The following ABCD3 variants were observed in gnomAD, a reference collection of about 807,000 sequenced individuals.
The protein encoded by ABCD3 is ATP-binding cassette sub-family D member 3.
A neutral mutation model predicts 105.5 loss-of-function variants in ABCD3; 41 were observed. That is an observed-to-expected ratio of 0.39 (90% CI 0.30 to 0.50). ABCD3 has a LOEUF of 0.50. Ranked by LOEUF, ABCD3 falls within the 20% of genes least tolerant of loss-of-function variation. The pLI is 0.84. For synonymous variants in ABCD3, 258 were observed against 269.0 expected (o/e 0.96, Z 0.40); for missense variants, 622 against 806.3 (o/e 0.77, Z 2.77).
chr1:94,386,647 T>G, the ABCD3 span, among the ~76,000 whole-genome samples: 2 of 152,248 alleles, frequency 1.3e-5, no homozygotes, highest in Non-Finnish European at 2.9e-5. Flanking sequence ...CTTTTTATAC[T>G]TTCTGAATCC....
chr1:94,406,340 G>GTTTTT, the ABCD3 span: 93 of 142,524 alleles, frequency 6.5e-4, no homozygotes, highest in African/African-American at 2.4e-3. Flanking sequence ...ATTTTGTTTT[G>GTTTTT]TTTTTTTTTT....
the ABCD3 span, among the ~76,000 whole-genome samples, chr1:94,388,932 T>C: frequency 6.6e-6 from 1 of 152,052 alleles, no homozygotes; most frequent in African/African-American, 2.4e-5. Flanking sequence ...ACTTATGAGA[T>C]GCATCTTAAA....
chr1:94,509,417 A>G (rs1015558582), intron 21 of ABCD3, among the ~76,000 whole-genome samples: 12 of 152,184 alleles, frequency 7.9e-5, no homozygotes, highest in African/African-American at 2.9e-4. Context: ...TTTTGCATCA[A>G]TGTTCATCAA....
chr1:94,420,690 A>C (rs1469891076), intron 1 of ABCD3, among the ~76,000 whole-genome samples: 1 of 152,184 alleles, frequency 6.6e-6, no homozygotes, highest in Non-Finnish European at 1.5e-5. Context: ...TTTTGTAGAT[A>C]TTGTACTTCC....
chr1:94,459,234 A>G (rs568031691), intron 2 of ABCD3, among the ~76,000 whole-genome samples: 1 of 151,908 alleles, frequency 6.6e-6, no homozygotes, highest in African/African-American at 2.4e-5. Context: ...ACACCCACAT[A>G]TATTTGAAGA....
intron 8 of ABCD3, 65 bp from the exon 9 acceptor site, chr1:94,480,399 G>A (rs1026046527): frequency 1.9e-6 from 3 of 1,584,912 alleles, no homozygotes; most frequent in African/African-American, 2.7e-5. Context: ...GTACATGTTT[G>A]TATCTAAGTG....
chr1:94,396,380 T>G, the ABCD3 span, among the ~76,000 whole-genome samples: 1 of 152,248 alleles, frequency 6.6e-6, no homozygotes, highest in Non-Finnish European at 1.5e-5. Flanking sequence ...AAAATCTCAC[T>G]TACTGAACTT....
At chr1:94,503,880 C>T (rs1650223627) in intron 20 of ABCD3, among the ~76,000 whole-genome samples, 1 of 147,758 alleles carries the variant, frequency 6.8e-6, no homozygotes, top group Admixed American at 6.8e-5. Flanking sequence ...CTCACTGCAA[C>T]CTTCACCTCT....
At chr1:94,478,165 A>G in intron 7 of ABCD3, 94 bp from the exon 8 acceptor site, 2 of 779,576 alleles carry the variant, frequency 2.6e-6, no homozygotes, top group Non-Finnish European at 4.4e-6. Context: ...TTATATATTA[A>G]ATGTTTAATG....
chr1:94,454,645 T>C (rs1185845907), intron 1 of ABCD3, among the ~76,000 whole-genome samples: 2 of 152,162 alleles, frequency 1.3e-5, no homozygotes, highest in Non-Finnish European at 2.9e-5. Context: ...TAAATTCTTA[T>C]AGAACTTACT....
chr1:94,438,317 C>T (rs886388749), intron 1 of ABCD3, among the ~76,000 whole-genome samples: 37 of 149,348 alleles, frequency 2.5e-4, no homozygotes, highest in African/African-American at 9.3e-4. Context: ...CACACACACA[C>T]ACACACACAC....
chr1:94,407,570 G>C, the ABCD3 span, among the ~76,000 whole-genome samples: 2 of 151,994 alleles, frequency 1.3e-5, no homozygotes, highest in Admixed American at 6.5e-5. Flanking sequence ...ATTATAAATG[G>C]GGCTTTCTCA....
chr1:94,516,110 A>G (rs1178102124), intron 22 of ABCD3, among the ~76,000 whole-genome samples: 2 of 151,958 alleles, frequency 1.3e-5, no homozygotes, highest in African/African-American at 4.8e-5. Flanking sequence ...TAGGATGTAG[A>G]TGATAGTCTA....
upstream of ABCD3, among the ~76,000 whole-genome samples, chr1:94,415,052 T>C (rs1004976324): frequency 2.0e-5 from 3 of 152,154 alleles, no homozygotes; most frequent in Admixed American, 6.5e-5. Flanking sequence ...GAGGCCTCAG[T>C]TCCTCTCCAG....
At chr1:94,455,051 C>G (rs956091270) in intron 1 of ABCD3, among the ~76,000 whole-genome samples, 2 of 152,132 alleles carry the variant, frequency 1.3e-5, no homozygotes, top group Admixed American at 6.5e-5. Flanking sequence ...GACTACCATG[C>G]TATACAGATT....
intron 1 of ABCD3, among the ~76,000 whole-genome samples, chr1:94,445,394 C>CT (rs1660308552): frequency 6.6e-6 from 1 of 152,198 alleles, no homozygotes; most frequent in African/African-American, 2.4e-5. Context: ...CCCGGGTACT[C>CT]TAAGCAGTCC....
chr1:94,421,562 ATGTGTGTGTGTG>A (rs3073023), intron 1 of ABCD3, among the ~76,000 whole-genome samples: 2 of 148,928 alleles, frequency 1.3e-5, no homozygotes, highest in Admixed American at 1.3e-4. Context: ...GAGCTATAAG[ATGTGTGTGTGTG>A]TGTGTGTGTG....
the ABCD3 span, among the ~76,000 whole-genome samples, chr1:94,387,828 C>T: frequency 6.6e-6 from 1 of 152,116 alleles, no homozygotes; most frequent in African/African-American, 2.4e-5. Flanking sequence ...TGAATGATGG[C>T]CTCCCAACTT....
intron 1 of ABCD3, among the ~76,000 whole-genome samples, chr1:94,419,145 G>C: frequency 6.6e-6 from 1 of 152,288 alleles, no homozygotes; most frequent in Non-Finnish European, 1.5e-5. Flanking sequence ...AACTATTCCC[G>C]GTCCACTTGG....
Sources: allele counts gnomAD v4.1 joint callset (sites outside exome capture counted in the v4.1 genomes callset), GRCh38; gene constraint gnomAD v4.1.1; transcripts MANE v1.5; gene names NCBI Gene and HGNC (gene_info 2026-07-23, HGNC 2026-07-21).